PUM1: variants seen among roughly 807,000 people sequenced by gnomAD.
PUM1 encodes pumilio RNA binding family member 1.
PUM1 carries 13 observed loss-of-function variants against 131.8 expected under a neutral mutation model. The observed-to-expected ratio is 0.10, with a 90% CI of 0.06 to 0.16. The LOEUF is 0.16. PUM1 is among the 10% of genes least tolerant of loss of function. The probability of loss-of-function intolerance (pLI) is 1.00; values close to 1 mark genes in which losing one functional copy is unlikely to be tolerated. For missense variants in PUM1, 961 were observed against 1,512.4 expected (o/e 0.64, Z 6.05); for synonymous variants, 509 against 556.5 (o/e 0.91, Z 1.20).
At chr1:31,043,637 A>T (rs1643889506) in intron 2 of PUM1, among the ~76,000 whole-genome samples, 1 of 152,228 alleles carries the variant, frequency 6.6e-6, no homozygotes, top group Non-Finnish European at 1.5e-5. Flanking sequence ...CAGCAGATCA[A>T]TCAACTGCAT....
At chr1:30,987,354 G>A (rs373346861) in intron 7 of PUM1, among the ~76,000 whole-genome samples, 7 of 151,994 alleles carry the variant, frequency 4.6e-5, no homozygotes, top group East Asian at 3.9e-4. Flanking sequence ...GTGCTACCAC[G>A]CCCGGCTAAT....
intron 3 of PUM1, among the ~76,000 whole-genome samples, chr1:31,027,033 TTACCCTC>T (rs533703648): frequency 5.3e-5 from 8 of 151,988 alleles, no homozygotes; most frequent in Non-Finnish European, 1.2e-4. Context: ...TAAATAAACT[TTACCCTC>T]TACTGAAATT....
intron 2 of PUM1, among the ~76,000 whole-genome samples, chr1:31,052,173 C>T (rs535085251): frequency 2.0e-5 from 3 of 151,898 alleles, no homozygotes; most frequent in Admixed American, 6.6e-5. Context: ...CCACCACACC[C>T]GGCTAATTTT....
chr1:31,021,728 T>A (rs1054752548), intron 3 of PUM1, among the ~76,000 whole-genome samples: 5 of 152,196 alleles, frequency 3.3e-5, no homozygotes, highest in Non-Finnish European at 5.9e-5. Context: ...GTAAGAATAC[T>A]ACAAATCACT....
At chr1:30,993,806 C>T (rs1295923563) in intron 6 of PUM1, among the ~76,000 whole-genome samples, 1 of 152,184 alleles carries the variant, frequency 6.6e-6, no homozygotes, top group African/African-American at 2.4e-5. Context: ...CATGGTGGCT[C>T]ATGCCTGTAA....
chr1:30,933,327 C>T lies in PUM1; in HGVS notation c.3451G>A (p.Ala1151Thr), dbSNP rs775332250. Residue 1151 changes from alanine to threonine, a missense_variant, in exon 22 of 22, where the codon GCA becomes ACA. By Grantham distance (58) the Ala-to-Thr change is moderately conservative. Transcript: ENST00000426105. Reference protein sequence around the residue: ...IVMHKIRPHIATLRKYTYGKH... With the variant: ...IVMHKIRPHITTLRKYTYGKH... The stretch of plus-strand genomic sequence containing the variant: ...CCATAGGTGTACTTACGAAGAGTTG[C>T]GATGTGGGGCCGGATCTGGGGAGGA... The T allele has an allele frequency of 6.2e-6, 10 of 1,613,580 alleles. No individual in the cohort carries two copies. Among genetic ancestry groups the T allele is most frequent in the Admixed American group, 5.0e-5 (3 of 59,978 alleles).
At chr1:31,049,989 C>T (rs1312661943) in intron 2 of PUM1, among the ~76,000 whole-genome samples, 2 of 151,792 alleles carry the variant, frequency 1.3e-5, no homozygotes, top group South Asian at 2.1e-4. Flanking sequence ...GCCAACACAC[C>T]TGGCTAATTT....
At chr1:31,063,953 C>T (rs948614780) in intron 1 of PUM1, among the ~76,000 whole-genome samples, 31 of 152,066 alleles carry the variant, frequency 2.0e-4, no homozygotes, top group Non-Finnish European at 3.8e-4. Context: ...AACTCAGTAT[C>T]CTAAATATCA....
chr1:31,028,750 T>C lies in PUM1; in HGVS notation c.432+46A>G, dbSNP rs758424337. ...CATTTGATGAAAGACAACTCCAACC[T>C]TCCCTTAAAAACAGACCCACTTTTC... On this transcript the variant is annotated intron_variant, in intron 3 of 21. Coordinates refer to ENST00000426105, the MANE Select transcript of PUM1 (RefSeq NM_001020658.2). 2.8e-6 allele frequency: 4 copies of C among 1,451,072 alleles called. No homozygotes were observed. In the African/African-American group the frequency reaches 4.2e-5, roughly 15 times the overall value. 89.9% of individuals were successfully genotyped at this position (1,451,072 alleles called of 1,614,324 possible). A position where few individuals can be genotyped will look rare whatever the true frequency, so the allele number is the denominator to read the frequency against.
intron 3 of PUM1, among the ~76,000 whole-genome samples, chr1:31,014,239 T>C (rs534754390): frequency 2.1e-5 from 3 of 143,784 alleles, no homozygotes; most frequent in East Asian, 4.3e-4. Flanking sequence ...AGGTCAAGGC[T>C]GCAGTGAGCC....
chr1:30,945,503 C>T lies in PUM1; in HGVS notation c.2857-20G>A. 2 of 1,613,480 alleles carry T rather than the reference C, an allele frequency of 1.2e-6. No individual in the cohort carries two copies. The highest frequency in any genetic ancestry group is 1.7e-6 in the Non-Finnish European group (2 of 1,179,828). On this transcript the variant is annotated intron_variant, in intron 17 of 21. Coordinates refer to ENST00000426105, the MANE Select transcript of PUM1 (RefSeq NM_001020658.2). ...CTCATTCTAATGGAGACAAAGAAAG[C>T]ACCACCAGAATCACAGCAAGCAAAC...
Position 30,932,985 on chromosome 1 carries a change from G to T in PUM1, c.*226C>A. 1 of 450,570 alleles carries T rather than the reference G, an allele frequency of 2.2e-6. No individual in the cohort carries two copies. Among genetic ancestry groups the T allele is most frequent in the Non-Finnish European group, 3.9e-6 (1 of 257,824 alleles). 27.9% of individuals were successfully genotyped at this position (450,570 alleles called of 1,614,324 possible). Reference sequence around the variant, plus strand: ...ATCCTATACACCAGTAAAACAGCAGGGCAATTAGTCAATTAAAAAAAATAG... The same window carrying T: ...ATCCTATACACCAGTAAAACAGCAGTGCAATTAGTCAATTAAAAAAAATAG... On this transcript the variant is annotated 3_prime_UTR_variant, in exon 22 of 22. Transcript: ENST00000426105.
At chr1:30,968,741 A>C (rs1640734005) in intron 10 of PUM1, among the ~76,000 whole-genome samples, 1 of 152,250 alleles carries the variant, frequency 6.6e-6, no homozygotes, top group Non-Finnish European at 1.5e-5. Context: ...GTGATGATTC[A>C]TTCATTCAAA....
intron 3 of PUM1, among the ~76,000 whole-genome samples, chr1:31,011,375 T>C (rs1458350302): frequency 6.6e-6 from 1 of 152,124 alleles, no homozygotes; most frequent in African/African-American, 2.4e-5. Context: ...GAAACTAAAA[T>C]CCTTTTCAAT....
intron 3 of PUM1, among the ~76,000 whole-genome samples, chr1:31,012,205 T>G (rs1280442683): frequency 2.3e-5 from 2 of 86,026 alleles, no homozygotes; most frequent in Admixed American, 1.1e-4. Flanking sequence ...AGAGTTGTTT[T>G]TTTTCCTTAA....
intron 5 of PUM1, among the ~76,000 whole-genome samples, chr1:31,002,276 G>A (rs943083807): frequency 7.9e-5 from 12 of 152,126 alleles, no homozygotes; most frequent in African/African-American, 2.9e-4. Context: ...CCAAATAGAT[G>A]TATACTACGA....
At chr1:30,983,723 G>A (rs1234331313) in intron 7 of PUM1, among the ~76,000 whole-genome samples, 5 of 150,500 alleles carry the variant, frequency 3.3e-5, no homozygotes, top group Admixed American at 2.0e-4. Flanking sequence ...TCCTGCCTCA[G>A]CCTCCAAGTA....
chr1:31,021,723 A>C (rs1643033804), intron 3 of PUM1, among the ~76,000 whole-genome samples: 1 of 152,226 alleles, frequency 6.6e-6, no homozygotes, highest in African/African-American at 2.4e-5. Context: ...TCTTTGTAAG[A>C]ATACTACAAA....
At chr1:30,982,102 T>C (rs1641380173) in intron 7 of PUM1, 2 of 152,238 alleles carry the variant, frequency 1.3e-5, no homozygotes, top group South Asian at 4.1e-4. Context: ...ATGTTAAAAA[T>C]AAAACAGCAG....
Sources: allele counts gnomAD v4.1 joint callset (sites outside exome capture counted in the v4.1 genomes callset), GRCh38; gene constraint gnomAD v4.1.1; transcripts MANE v1.5; gene names NCBI Gene and HGNC (gene_info 2026-07-23, HGNC 2026-07-21).